The following ZBTB25 variants were observed in gnomAD, a reference collection of about 807,000 sequenced individuals.
The protein encoded by ZBTB25 is zinc finger and BTB domain-containing protein 25.
In ZBTB25, 20 loss-of-function variants were observed where a neutral mutation model predicts 34.2. That is an observed-to-expected ratio of 0.58 (90% confidence interval 0.41 to 0.85). The LOEUF (loss-of-function observed/expected upper bound fraction) is 0.85, where lower values mean the gene tolerates loss of function less well. Ranked by LOEUF, ZBTB25 falls within the 40% of genes least tolerant of loss-of-function variation. ZBTB25 has a pLI of 0.00. For missense variants in ZBTB25, 437 were observed against 521.8 expected, an observed-to-expected ratio of 0.84 and a Z score of 1.58; for synonymous variants, 175 against 186.4, an observed-to-expected ratio of 0.94 and a Z score of 0.50.
At chr14:64,469,358 A>G (rs2078643881) in intron 2 of ZBTB25, 2 of 1,613,946 alleles carry the variant, frequency 1.2e-6, no homozygotes, top group East Asian at 4.5e-5. Context: ...AGAAAATGGG[A>G]TCACTGAAGA....
intron 1 of ZBTB25, among the ~76,000 whole-genome samples, chr14:64,502,285 T>TTCCTG (rs562140953): frequency 1.3e-5 from 2 of 152,222 alleles, no homozygotes; most frequent in Non-Finnish European, 2.9e-5. Flanking sequence ...TTCTGTTTTC[T>TTCCTG]TCCTGACCAC....
At chr14:64,449,181 C>G (rs1399776921) in exon 3 of ZBTB25, 1 of 513,888 alleles carries the variant, frequency 1.9e-6, no homozygotes, top group Non-Finnish European at 3.5e-6. Flanking sequence ...GATTTACCAT[C>G]TGAGTCTCAT....
chr14:64,499,095 T>C (rs777445867), intron 1 of ZBTB25, among the ~76,000 whole-genome samples: 1 of 141,832 alleles, frequency 7.1e-6, no homozygotes, highest in African/African-American at 2.5e-5. Flanking sequence ...CTTTACTTTC[T>C]AGATTGTATA....
intron 2 of ZBTB25, among the ~76,000 whole-genome samples, chr14:64,455,745 A>C (rs1388456978): frequency 2.0e-5 from 3 of 152,244 alleles, no homozygotes; most frequent in Admixed American, 6.5e-5. Context: ...TTGAAAACGT[A>C]GGACATTAGA....
Position 64,486,862 on chromosome 14 carries a change from T to A in ZBTB25, c.*61A>T, listed in dbSNP as rs10132969. ...TTGAGGAGGAAAATAATTTATGAAT[T>A]AAAAATGCCACGCAAATTTTCTTTT... On this transcript the variant is annotated 3_prime_UTR_variant, in exon 3 of 3. Transcript: ENST00000608382. The A allele has an allele frequency of 0.3, 445,704 of 1,498,884 alleles. 69,234 individuals are homozygous for A. Among genetic ancestry groups the A allele is most frequent in the East Asian group, 0.38 (16,337 of 43,246 alleles). 92.8% of individuals were successfully genotyped at this position (1,498,884 alleles called of 1,614,324 possible). A position where few individuals can be genotyped will look rare whatever the true frequency, so the allele number is the denominator to read the frequency against.
downstream of ZBTB25, chr14:64,473,371 T>C (rs985103756): frequency 3.6e-5 from 6 of 167,082 alleles, no homozygotes; most frequent in African/African-American, 7.2e-5. Context: ...AGCATGAAGT[T>C]TGTGATGATC....
At chr14:64,472,023 T>C (rs530428219) in intron 2 of ZBTB25, 2 of 166,628 alleles carry the variant, frequency 1.2e-5, no homozygotes, top group Non-Finnish European at 2.9e-5. Context: ...ATGCTTATAA[T>C]CCGGGGAGGA....
chr14:64,472,897 C>G (rs184656281), intron 2 of ZBTB25: 2 of 167,132 alleles, frequency 1.2e-5, no homozygotes, highest in African/African-American at 4.8e-5. Context: ...ATTAGGAACA[C>G]CACATGAATT....
exon 3 of ZBTB25, chr14:64,449,373 A>C (rs1428969262): frequency 6.4e-7 from 1 of 1,557,022 alleles, no homozygotes. Flanking sequence ...CATGAGGTTT[A>C]ATGGCAAAAA....
Position 64,483,252 on chromosome 14 carries a change from A to G in ZBTB25, c.*3671T>C, listed in dbSNP as rs1195429216. 6.6e-6 allele frequency: 1 copy of G among 152,224 alleles called. No individual in the cohort carries two copies. The highest frequency in any genetic ancestry group is 1.5e-5 in the Non-Finnish European group (1 of 68,078). The allele number at this position is 152,224 out of a possible 1,614,324, so 9.4% of individuals were successfully genotyped here. On this transcript the variant is annotated 3_prime_UTR_variant, in exon 3 of 3. Coordinates refer to ENST00000608382, the MANE Select transcript of ZBTB25 (RefSeq NM_006977.5). ...GTATAGCTCCATTTTGTGGAGATGT[A>G]GTCAAAAAATAAAGGTTTTAGCTGG...
chr14:64,487,087 G>C lies in ZBTB25; in HGVS notation c.1144C>G (p.Gln382Glu). 1 of 1,614,112 alleles carries C rather than the reference G, an allele frequency of 6.2e-7. No individual in the cohort carries two copies. The highest frequency in any genetic ancestry group is 1.1e-5 in the South Asian group (1 of 91,078). The change falls in exon 3 of 3, where the codon CAA (glutamine) becomes GAA (glutamate). Residue 382 changes from glutamine to glutamate, a missense_variant. By Grantham distance (29) the Gln-to-Glu change is conservative. Coordinates refer to ENST00000608382, the MANE Select transcript of ZBTB25 (RefSeq NM_006977.5). Reference sequence around the variant, plus strand: ...TGGGCCAATGCATTACCAAACCTTTGGCATCGGTTATATCTGTAAGATTTA... The same window carrying C: ...TGGGCCAATGCATTACCAAACCTTTCGCATCGGTTATATCTGTAAGATTTA... ...KGKSYRYNRC[Q>E]RFGNALAQRF... is the part of the protein sequence containing the mutation.
At chr14:64,502,963 G>A (rs2079545502) in intron 1 of ZBTB25, 3 of 985,488 alleles carry the variant, frequency 3.0e-6, no homozygotes, top group East Asian at 1.1e-4. Context: ...GAGAAAGAAT[G>A]CCAAATTTAA....
chr14:64,450,874 A>C (rs966815903), intron 2 of ZBTB25, among the ~76,000 whole-genome samples: 1 of 152,102 alleles, frequency 6.6e-6, no homozygotes, highest in Non-Finnish European at 1.5e-5. Context: ...AGCCTGGCTA[A>C]TTTGTTTTAT....
chr14:64,456,198 CACAG>C (rs1031578609), intron 2 of ZBTB25, among the ~76,000 whole-genome samples: 31 of 146,132 alleles, frequency 2.1e-4, no homozygotes, highest in African/African-American at 7.3e-4. Flanking sequence ...TGGAGAGAGA[CACAG>C]CCTGCCGAAC....
At position 64,502,557 on chromosome 14, in the gene ZBTB25, T is replaced by C. The variant is rs566767853; in HGVS notation, c.-8+1104A>G. 433 of 858,672 alleles carry C rather than the reference T, an allele frequency of 5.0e-4. 2 individuals are homozygous for C. The highest frequency in any genetic ancestry group is 5.9e-4 in the Non-Finnish European group (419 of 714,140). The allele number at this position is 858,672 out of a possible 1,614,324, so 53.2% of individuals were successfully genotyped here. Reference sequence around the variant, plus strand: ...GGCTTTTAGTTCCAAAAATACACCATAGGCGGCCTACCTCACCTAGAAATA... The same window carrying C: ...GGCTTTTAGTTCCAAAAATACACCACAGGCGGCCTACCTCACCTAGAAATA... On this transcript the variant is annotated intron_variant, in intron 1 of 2. Transcript: ENST00000608382.
chr14:64,455,365 T>C (rs971014167), intron 2 of ZBTB25, among the ~76,000 whole-genome samples: 1 of 152,212 alleles, frequency 6.6e-6, no homozygotes, highest in Non-Finnish European at 1.5e-5. Context: ...AAATGGACCC[T>C]TGAGATATGA....
Position 64,487,011 on chromosome 14 carries a change from G to A in ZBTB25, c.1220C>T (p.Ser407Phe). The A allele has an allele frequency of 6.2e-7, 1 of 1,614,172 alleles. No homozygotes were observed. The stretch of plus-strand genomic sequence containing the variant: ...GTCTAAGTGTTCTTGTGACAAGCGA[G>A]AACTTTTCAGGGAGACATCAGACCA... ...DSWSDVSLKS[S>F]RLSQEHLDLP... The change falls in exon 3 of 3, where the codon TCT becomes TTT. Residue 407 changes from serine (S) to phenylalanine (F), a missense_variant. Transcript: ENST00000608382.
intron 2 of ZBTB25, chr14:64,458,078 T>TG (rs1044258186): frequency 2.0e-4 from 156 of 764,600 alleles, no homozygotes; most frequent in South Asian, 1.8e-3. Context: ...CCTGTAGAGA[T>TG]GGGGGTCTCA....
intron 2 of ZBTB25, among the ~76,000 whole-genome samples, chr14:64,464,662 AGAG>A (rs1271065807): frequency 6.6e-6 from 1 of 152,216 alleles, no homozygotes; most frequent in Non-Finnish European, 1.5e-5. Flanking sequence ...TATGGGGGCC[AGAG>A]GAGGAGGCTG....
Sources: allele counts gnomAD v4.1 joint callset (sites outside exome capture counted in the v4.1 genomes callset), GRCh38; gene constraint gnomAD v4.1.1; transcripts MANE v1.5; gene names NCBI Gene and HGNC (gene_info 2026-07-23, HGNC 2026-07-21).